The following DACH2 variants were observed in gnomAD, a reference collection of about 807,000 sequenced individuals.
The protein encoded by DACH2 is dachshund homolog 2.
In DACH2, 17 loss-of-function variants were observed where a neutral mutation model predicts 35.8. The observed-to-expected ratio is 0.48, with a 90% CI of 0.33 to 0.71. DACH2 has a LOEUF of 0.71. Among genes scored for constraint, DACH2 ranks in the 30% least tolerant of loss-of-function variants. The pLI, the probability that DACH2 is intolerant of heterozygous loss-of-function variation, is 0.02. For synonymous variants in DACH2, 195 were observed against 177.3 expected (o/e 1.10, Z -0.79); for missense variants, 469 against 472.7 (o/e 0.99, Z 0.07).
intron 3 of DACH2, among the ~76,000 whole-genome samples, chrX:86,650,092 T>G (rs1447748900): frequency 9.0e-6 from 1 of 110,900 alleles, no homozygotes; most frequent in Non-Finnish European, 1.9e-5. Flanking sequence ...ACTTGTTTCC[T>G]TATATATGGT....
At chrX:86,684,813 A>G (rs891366553) in intron 4 of DACH2, among the ~76,000 whole-genome samples, 1 of 111,252 alleles carries the variant, frequency 9.0e-6, no homozygotes, top group Non-Finnish European at 1.9e-5. Context: ...CTCTATGTTC[A>G]TACACTCTAT....
At chrX:86,723,913 G>A (rs183919832) in intron 6 of DACH2, among the ~76,000 whole-genome samples, 2 of 109,920 alleles carry the variant, frequency 1.8e-5, no homozygotes, top group African/African-American at 6.6e-5. Flanking sequence ...TTTAAAGTCT[G>A]TTGTATCTGA....
intron 2 of DACH2, among the ~76,000 whole-genome samples, chrX:86,383,130 C>T (rs759995824): frequency 2.7e-5 from 3 of 110,156 alleles, no homozygotes; most frequent in South Asian, 3.9e-4. Flanking sequence ...TTCATAAACA[C>T]GAAATAAATC....
chrX:86,802,616 G>A (rs1229822637), intron 7 of DACH2, among the ~76,000 whole-genome samples: 1 of 107,711 alleles, frequency 9.3e-6, no homozygotes, highest in Non-Finnish European at 1.9e-5. Flanking sequence ...TCTTCAGCCA[G>A]CCAGATGCCT....
rs748513868 is a variant in DACH2, at chrX:86,238,907, A to G, written c.488+89799A>G. ...ATATTGTTCTTAAACAAGCAAATGT[A>G]AATCATGATAAGATAATTCAGCTAC... is the stretch of plus-strand genomic sequence containing the variant. On this transcript the variant is annotated intron_variant, in intron 1 of 11. Transcript: ENST00000373125. Among the ~76,000 whole-genome samples the G allele has an allele frequency of 6.3e-5, 7 of 111,608 alleles. No homozygotes were observed. The East Asian group carries it at 1.7e-3, about 27-fold the overall frequency.
intron 3 of DACH2, among the ~76,000 whole-genome samples, chrX:86,606,893 A>C (rs1046307394): frequency 1.4e-4 from 16 of 111,793 alleles, no homozygotes; most frequent in African/African-American, 4.9e-4. Context: ...GGATGCATAT[A>C]TATTTAAAAT....
At chrX:86,336,049 GT>G (rs1569354319) in intron 1 of DACH2, among the ~76,000 whole-genome samples, 11 of 111,932 alleles carry the variant, frequency 9.8e-5, no homozygotes, top group Non-Finnish European at 1.7e-4. Flanking sequence ...GATAGATTAC[GT>G]TTATTGGTTT....
intron 2 of DACH2, among the ~76,000 whole-genome samples, chrX:86,506,260 T>C (rs2038321949): frequency 8.9e-6 from 1 of 112,077 alleles, no homozygotes; most frequent in Admixed American, 9.5e-5. Context: ...GTAGGGCTTA[T>C]GTTGCTGTTT....
chrX:86,432,911 A>G (rs2037007982), intron 2 of DACH2, among the ~76,000 whole-genome samples: 1 of 112,010 alleles, frequency 8.9e-6, no homozygotes, highest in South Asian at 3.6e-4. Flanking sequence ...AGAATTGGAG[A>G]CAATCAGTAA....
rs1346281095 is a variant in DACH2, at chrX:86,149,018, G to A, written c.398G>A (p.Gly133Glu). Reference protein sequence around the residue: ...CTVEQVRILRGLGAIQPGVNR... With the variant: ...CTVEQVRILRELGAIQPGVNR... Reference sequence around the variant, plus strand: ...GTTGAGCAGGTCCGGATCCTCCGCGGGCTGGGGGCCATCCAGCCCGGGGTA... The same window carrying A: ...GTTGAGCAGGTCCGGATCCTCCGCGAGCTGGGGGCCATCCAGCCCGGGGTA... Residue 133 changes from glycine to glutamate, a missense_variant, in exon 1 of 12, where the codon GGG (glycine) becomes GAG (glutamate). Physicochemically the swap from Gly to Glu is moderately conservative, Grantham distance 98 (BLOSUM62 -2). Around this residue, in one of 3 missense-constraint regions of DACH2, gnomAD observed 99 missense variants for 114.3 expected, o/e 0.87. Transcript: ENST00000373125. 2 of 1,208,135 alleles carry A rather than the reference G, an allele frequency of 1.7e-6. No homozygotes were observed. Among genetic ancestry groups the A allele is most frequent in the Non-Finnish European group, 2.2e-6 (2 of 894,361 alleles).
chrX:86,610,845 T>A (rs1489120832), intron 3 of DACH2, among the ~76,000 whole-genome samples: 3 of 111,108 alleles, frequency 2.7e-5, no homozygotes. Context: ...GGTCCAGAAA[T>A]GCTGTCCAAG....
intron 1 of DACH2, among the ~76,000 whole-genome samples, chrX:86,226,458 T>C (rs767913427): frequency 6.6e-4 from 73 of 111,436 alleles, no homozygotes; most frequent in Middle Eastern, 4.7e-3. Context: ...AAAAATAACA[T>C]GAGTCTTTCT....
At chrX:86,322,095 G>T (rs1036840987) in intron 1 of DACH2, among the ~76,000 whole-genome samples, 1 of 110,547 alleles carries the variant, frequency 9.0e-6, no homozygotes, top group African/African-American at 3.3e-5. Flanking sequence ...TGACTTAGGG[G>T]AACTACTCTC....
chrX:86,428,447 C>T (rs1370842406), intron 2 of DACH2, among the ~76,000 whole-genome samples: 1 of 111,632 alleles, frequency 9.0e-6, no homozygotes, highest in Non-Finnish European at 1.9e-5. Flanking sequence ...TTACAAAAGC[C>T]ACCATGCTAA....
At chrX:86,310,964 T>C (rs1316104730) in intron 1 of DACH2, among the ~76,000 whole-genome samples, 1 of 111,368 alleles carries the variant, frequency 9.0e-6, no homozygotes, top group Non-Finnish European at 1.9e-5. Flanking sequence ...ATGGAGGTTA[T>C]GCATGGGCTC....
rs754860656 is a variant in DACH2, at chrX:86,177,616, G to A, written c.488+28508G>A. Among the ~76,000 whole-genome samples the A allele has an allele frequency of 1.1e-4, 12 of 111,295 alleles. No homozygotes were observed. The South Asian group carries it at 4.1e-3, about 38-fold the overall frequency. On this transcript the variant is annotated intron_variant, in intron 1 of 11. Coordinates refer to ENST00000373125, the MANE Select transcript of DACH2 (RefSeq NM_053281.3). ...TGGGGCTTGTCCAGTCATTCACCTG[G>A]CATCTTAATAGAGTATTTGGAAAGG...
chrX:86,751,919 A>G (rs930730375), intron 7 of DACH2, among the ~76,000 whole-genome samples: 1 of 112,070 alleles, frequency 8.9e-6, no homozygotes, highest in African/African-American at 3.2e-5. Flanking sequence ...AAAGAACAAT[A>G]TCATGTCCTT....
intron 1 of DACH2, among the ~76,000 whole-genome samples, chrX:86,363,459 G>A (rs1272367346): frequency 9.0e-6 from 1 of 111,171 alleles, no homozygotes; most frequent in East Asian, 2.8e-4. Flanking sequence ...TCATGTGTGT[G>A]ATCCTATTGG....
rs2038063637 is a variant in DACH2, at chrX:86,489,407, A to G, written c.528-24872A>G. Among the ~76,000 whole-genome samples, 3 of 111,320 alleles carry G rather than the reference A, an allele frequency of 2.7e-5. No homozygotes were observed. The Admixed American group carries it at 2.9e-4, about 11-fold the overall frequency. ...AATGTTTCCTGAATTATGATAAACA[A>G]ATAACAATATCACATAATATGGAAT... On this transcript the variant is annotated intron_variant, in intron 2 of 11. Transcript: ENST00000373125.
Sources: gnomAD v4.1 joint callset for allele counts (sites outside exome capture counted in the v4.1 genomes callset) on GRCh38, gnomAD v4.1.1 for gene constraint, gnomAD v4.1.1 regional missense constraint, MANE v1.5 for transcripts, NCBI Gene and HGNC (gene_info 2026-07-23, HGNC 2026-07-21) for gene names.